GABRG1: variants seen among roughly 807,000 people sequenced by gnomAD.
The protein encoded by GABRG1 is gamma-aminobutyric acid type A receptor subunit gamma1.
Under a neutral mutation model 49.8 loss-of-function variants are expected in GABRG1, and 49 were observed. The ratio of observed to expected loss-of-function variants is 0.98; its 90% CI spans 0.78 to 1.25. The LOEUF is 1.25. Ranked by LOEUF, GABRG1 falls within the 50% of genes most tolerant of loss-of-function variation. The pLI, the probability that GABRG1 is intolerant of heterozygous loss-of-function variation, is 0.00. For synonymous variants in GABRG1, 232 were observed against 185.1 expected (o/e 1.25, Z -2.06); for missense variants, 552 against 552.3 (o/e 1.00, Z 0.01).
At chr4:46,062,809 A>C (rs897391728) in intron 5 of GABRG1, among the ~76,000 whole-genome samples, 10 of 152,062 alleles carry the variant, frequency 6.6e-5, no homozygotes, top group South Asian at 2.1e-4. Context: ...TGATAAGCAA[A>C]TTCAGCAAAG....
At chr4:46,061,456 A>G (rs776862817) in intron 5 of GABRG1, among the ~76,000 whole-genome samples, 2 of 152,168 alleles carry the variant, frequency 1.3e-5, no homozygotes, top group Non-Finnish European at 2.9e-5. Flanking sequence ...TGTGAAAACA[A>G]TAAATTTCAA....
At chr4:46,041,604 T>G (rs192495665) in intron 8 of GABRG1, among the ~76,000 whole-genome samples, 7 of 152,070 alleles carry the variant, frequency 4.6e-5, no homozygotes, top group Admixed American at 4.6e-4. Flanking sequence ...TATACACATC[T>G]TTTTTTGCTA....
At chr4:46,097,053 A>T in intron 2 of GABRG1, 148 bp downstream of exon 2, 1 of 642,658 alleles carries the variant, frequency 1.6e-6, no homozygotes, top group Non-Finnish European at 2.4e-6. Flanking sequence ...TCAAAACATT[A>T]GTGACCATTC....
rs1191713010 is a variant in GABRG1 at position 46,113,020 on chromosome 4, AC to A, written c.104+10789del. ...TCCACTTCAAATTCTTATCTCCCCA[AC>A]CCTCACTTGGCATGACTGAAAGCTT... On this transcript the variant is annotated intron_variant, in intron 1 of 8. Coordinates refer to ENST00000295452, the MANE Select transcript of GABRG1 (RefSeq NM_173536.4). Among the ~76,000 whole-genome samples the A allele has an allele frequency of 2.0e-5, 3 of 150,806 alleles. No homozygotes were observed. The Admixed American group carries it at 2.0e-4, about 10-fold the overall frequency.
At position 46,036,379 on chromosome 4, in the gene GABRG1, C is replaced by T. The variant is rs371067021; in HGVS notation, c.*4609G>A. On this transcript the variant is annotated 3_prime_UTR_variant, in exon 9 of 9. Transcript: ENST00000295452. ...AATAGAAAACTCTTTTAGTGAGGAA[C>T]ATTTTTCAAAAAATAAGAATCTAGA... The T allele has an allele frequency of 3.0e-4, 46 of 151,868 alleles. No individual in the cohort carries two copies. The highest frequency in any genetic ancestry group is 1.0e-3 in the African/African-American group (43 of 41,488). 9.4% of individuals were successfully genotyped at this position (151,868 alleles called of 1,614,324 possible). A position where few individuals can be genotyped will look rare whatever the true frequency, so the allele number is the denominator to read the frequency against.
At chr4:46,068,758 C>T (rs912051274) in intron 3 of GABRG1, among the ~76,000 whole-genome samples, 7 of 151,982 alleles carry the variant, frequency 4.6e-5, no homozygotes, top group Admixed American at 3.9e-4. Context: ...TTCCAGCAAA[C>T]GACCAAACTG....
At chr4:46,113,562 C>T (rs1263999017) in intron 1 of GABRG1, among the ~76,000 whole-genome samples, 3 of 151,022 alleles carry the variant, frequency 2.0e-5, no homozygotes, top group Non-Finnish European at 3.0e-5. Context: ...ATTATAAAAT[C>T]CTATACATAA....
intron 3 of GABRG1, among the ~76,000 whole-genome samples, chr4:46,081,636 A>G (rs1340384218): frequency 1.3e-5 from 2 of 151,898 alleles, no homozygotes; most frequent in African/African-American, 4.8e-5. Context: ...AATAAATAAA[A>G]TGAAGAGGAA....
At chr4:46,087,609 G>A (rs975204513) in intron 2 of GABRG1, among the ~76,000 whole-genome samples, 1 of 151,746 alleles carries the variant, frequency 6.6e-6, no homozygotes, top group African/African-American at 2.4e-5. Context: ...TATCGATCTA[G>A]TTAACAGAAA....
chr4:46,050,024 T>C (rs544038402), intron 8 of GABRG1, among the ~76,000 whole-genome samples: 16 of 152,046 alleles, frequency 1.1e-4, no homozygotes, highest in African/African-American at 3.9e-4. Context: ...TAATCCAACA[T>C]AGATACAGAT....
chr4:46,048,370 AGAAGGAAGGAAGGAAGGAAG>A (rs143416418), intron 8 of GABRG1, among the ~76,000 whole-genome samples: 30 of 121,394 alleles, frequency 2.5e-4, no homozygotes, highest in Middle Eastern at 5.1e-3. Flanking sequence ...AATGGAATAG[AGAAGGAAGGAAGGAAGGAAG>A]GAAGGAAGGA....
chr4:46,110,560 C>T (rs1193312420), intron 1 of GABRG1, among the ~76,000 whole-genome samples: 18 of 150,940 alleles, frequency 1.2e-4, no homozygotes, highest in Admixed American at 1.1e-3. Flanking sequence ...AAAAAGAAAA[C>T]TACAGGCAAA....
At chr4:46,113,902 A>T (rs1177280873) in intron 1 of GABRG1, among the ~76,000 whole-genome samples, 1 of 151,124 alleles carries the variant, frequency 6.6e-6, no homozygotes, top group Non-Finnish European at 1.5e-5. Flanking sequence ...ACACATTTTC[A>T]TAAACACAGT....
chr4:46,114,128 C>T (rs527324244), intron 1 of GABRG1, among the ~76,000 whole-genome samples: 8 of 150,896 alleles, frequency 5.3e-5, no homozygotes, highest in Non-Finnish European at 3.0e-5. Flanking sequence ...AGGGTTGTAG[C>T]TCTGAATAAT....
Position 46,040,960 on chromosome 4 carries a change from C to T in GABRG1, c.*28G>A, listed in dbSNP as rs1178347476. ...GATTCTACTGAATTTAGTCAGACTT[C>T]TTTTGATTTTTGCTTATGAAGTAGA... On this transcript the variant is annotated 3_prime_UTR_variant, in exon 9 of 9. Coordinates refer to ENST00000295452, the MANE Select transcript of GABRG1 (RefSeq NM_173536.4). 1.3e-6 allele frequency: 2 copies of T among 1,589,226 alleles called. No individual in the cohort carries two copies. Among genetic ancestry groups the T allele is most frequent in the African/African-American group, 1.4e-5 (1 of 73,706 alleles).
At chr4:46,057,632 T>C (rs1718503078) in intron 7 of GABRG1, among the ~76,000 whole-genome samples, 1 of 152,108 alleles carries the variant, frequency 6.6e-6, no homozygotes, top group African/African-American at 2.4e-5. Flanking sequence ...CAAATTACCC[T>C]GTTAATCAAT....
chr4:46,117,596 C>CTCTTTG (rs1560376941), intron 1 of GABRG1, among the ~76,000 whole-genome samples: 14 of 116,904 alleles, frequency 1.2e-4, no homozygotes, highest in African/African-American at 4.7e-4. Flanking sequence ...CTCTTTGTCT[C>CTCTTTG]TCTCTCTCTC....
intron 8 of GABRG1, among the ~76,000 whole-genome samples, chr4:46,041,600 CA>C (rs1167112396): frequency 2.0e-5 from 3 of 151,876 alleles, no homozygotes; most frequent in Non-Finnish European, 4.4e-5. Context: ...GTGCTATACA[CA>C]TCTTTTTTTG....
chr4:46,062,132 T>A (rs903255645), intron 5 of GABRG1, among the ~76,000 whole-genome samples: 3 of 150,314 alleles, frequency 2.0e-5, no homozygotes, highest in Non-Finnish European at 4.4e-5. Flanking sequence ...CGGTGTTTGG[T>A]TTTTTGTCCT....
Sources: allele counts gnomAD v4.1 joint callset (sites outside exome capture counted in the v4.1 genomes callset), GRCh38; gene constraint gnomAD v4.1.1; transcripts MANE v1.5; gene names NCBI Gene and HGNC (gene_info 2026-07-23, HGNC 2026-07-21).